Variants in MTRES1 observed in about 807,000 individuals in gnomAD.
MTRES1 encodes mitochondrial transcription rescue factor 1, also known as uncharacterized protein C6orf203.
A neutral mutation model predicts 17.4 loss-of-function variants in MTRES1; 11 were observed. The ratio of observed to expected loss-of-function variants is 0.63; its 90% confidence interval spans 0.40 to 1.05. The LOEUF (loss-of-function observed/expected upper bound fraction) is 1.05. Ranked by LOEUF, MTRES1 falls within the 50% of genes least tolerant of loss-of-function variation. The probability of loss-of-function intolerance (pLI) is 0.00; values close to 1 mark genes in which losing one functional copy is unlikely to be tolerated. For missense variants in MTRES1, 268 were observed against 276.2 expected, an observed-to-expected ratio of 0.97 and a Z score of 0.21; for synonymous variants, 94 against 99.6, an observed-to-expected ratio of 0.94 and a Z score of 0.34.
At chr6:107,048,789 AAAAAAG>A (rs1774485818) in intron 3 of MTRES1, among the ~76,000 whole-genome samples, 1 of 151,574 alleles carries the variant, frequency 6.6e-6, no homozygotes, top group African/African-American at 2.4e-5. Context: ...AAAAAAAAAA[AAAAAAG>A]AAAAAAAAAA....
At chr6:107,042,722 G>T (rs1774260384) in intron 2 of MTRES1, among the ~76,000 whole-genome samples, 1 of 152,162 alleles carries the variant, frequency 6.6e-6, no homozygotes, top group African/African-American at 2.4e-5. Context: ...GTACAGAGCA[G>T]GTGTCTGAGG....
chr6:107,043,180 A>C (rs1774276279), intron 2 of MTRES1, among the ~76,000 whole-genome samples: 1 of 152,036 alleles, frequency 6.6e-6, no homozygotes, highest in African/African-American at 2.4e-5. Flanking sequence ...AAATACAAAA[A>C]AAAATTACCC....
intron 1 of MTRES1, among the ~76,000 whole-genome samples, chr6:107,034,394 C>G (rs1329226322): frequency 5.3e-5 from 8 of 152,142 alleles, no homozygotes; most frequent in Non-Finnish European, 7.3e-5. Context: ...GTTCCTCCCA[C>G]TCTTCTACCC....
At chr6:107,036,404 G>A (rs1433300868) in intron 1 of MTRES1, among the ~76,000 whole-genome samples, 2 of 151,994 alleles carry the variant, frequency 1.3e-5, no homozygotes, top group African/African-American at 2.4e-5. Context: ...TTAGCCAGAC[G>A]TGGTAGCGCA....
At position 107,029,191 on chromosome 6, in the gene MTRES1, A is replaced by ATTT. The variant is rs35093769; in HGVS notation, c.-13+932_-13+934dup. ...CAGGCGCACACCGCCACACCCGGCT[A>ATTT]TTTTTTTTTTTTTTGAGACGCAGTC... On this transcript the variant is annotated intron_variant, in intron 1 of 3. Transcript: ENST00000311381. Among the ~76,000 whole-genome samples, 92 of 98,854 alleles carry ATTT rather than the reference A, an allele frequency of 9.3e-4. 1 individual carries two copies. Among genetic ancestry groups the ATTT allele is most frequent in the African/African-American group, 3.5e-3 (85 of 24,528 alleles). 64.9% of individuals were successfully genotyped at this position (98,854 alleles called of 152,430 possible).
At chr6:107,039,675 T>A in intron 1 of MTRES1, 74 bp from the exon 2 acceptor site, 1 of 1,459,440 alleles carries the variant, frequency 6.9e-7, no homozygotes, top group Non-Finnish European at 9.2e-7. Flanking sequence ...GCGTTCATAG[T>A]GCATATGGTT....
rs782704372 is a variant in MTRES1, at chr6:107,051,203, T to C, written c.690T>C (p.Ser230=). 3.1e-6 allele frequency: 5 copies of C among 1,613,668 alleles called. No homozygotes were observed. The African/African-American group carries it at 4.0e-5, about 13-fold the overall frequency. Residue 230 remains serine (S), a synonymous_variant, in exon 4 of 4, where the codon AGT becomes AGC. Transcript: ENST00000311381. ...GAGTGGTGTTACGGCGGTGGAAAAGTTTAAAGTTGCCTAAGAAGAGAATGT... is the reference window on the plus strand; with the variant it reads ...GAGTGGTGTTACGGCGGTGGAAAAGCTTAAAGTTGCCTAAGAAGAGAATGT... ...KYRVVLRRWK[S]LKLPKKRMSK
intron 3 of MTRES1, among the ~76,000 whole-genome samples, chr6:107,045,741 G>A (rs1490921418): frequency 2.6e-5 from 4 of 152,086 alleles, no homozygotes; most frequent in Non-Finnish European, 5.9e-5. Flanking sequence ...CCCTTAAAAA[G>A]TGTGGAAGAC....
At chr6:107,033,316 A>G (rs1773904257) in intron 1 of MTRES1, among the ~76,000 whole-genome samples, 1 of 151,888 alleles carries the variant, frequency 6.6e-6, no homozygotes, top group Admixed American at 6.6e-5. Flanking sequence ...GTAGAGGAGG[A>G]TGTGACTCGT....
At chr6:107,046,117 G>A (rs1582616133) in intron 3 of MTRES1, among the ~76,000 whole-genome samples, 1 of 152,216 alleles carries the variant, frequency 6.6e-6, no homozygotes, top group African/African-American at 2.4e-5. Flanking sequence ...ACTGTGGCTG[G>A]CTGTCAGCAG....
chr6:107,039,280 A>G (rs1199867388), intron 1 of MTRES1, among the ~76,000 whole-genome samples: 1 of 151,984 alleles, frequency 6.6e-6, no homozygotes, highest in Non-Finnish European at 1.5e-5. Flanking sequence ...CCCTTAGTAC[A>G]TGCAGATTGA....
At chr6:107,031,644 A>G (rs1262320318) in intron 1 of MTRES1, among the ~76,000 whole-genome samples, 1 of 150,258 alleles carries the variant, frequency 6.7e-6, no homozygotes, top group Non-Finnish European at 1.5e-5. Context: ...CTTGTTGTCC[A>G]GGCTGGAGTG....
At chr6:107,047,140 A>G (rs1554228512) in intron 3 of MTRES1, among the ~76,000 whole-genome samples, 1 of 152,160 alleles carries the variant, frequency 6.6e-6, no homozygotes, top group African/African-American at 2.4e-5. Flanking sequence ...AGCCTTCTCT[A>G]TCCAGAGGCA....
intron 1 of MTRES1, among the ~76,000 whole-genome samples, chr6:107,033,913 A>T (rs1305792338): frequency 6.6e-6 from 1 of 152,202 alleles, no homozygotes; most frequent in Non-Finnish European, 1.5e-5. Flanking sequence ...AATGGTCATC[A>T]TCTCCAGCAA....
At chr6:107,039,351 C>G (rs972967688) in intron 1 of MTRES1, among the ~76,000 whole-genome samples, 4 of 151,728 alleles carry the variant, frequency 2.6e-5, no homozygotes, top group Non-Finnish European at 4.4e-5. Context: ...TGTGGTTTCT[C>G]TCTTGTTGCC....
chr6:107,037,098 AG>A lies in MTRES1; in HGVS notation c.-12-2650del, dbSNP rs1393279951. ...CTAGCCTAGTTACCTTTAAAAAAAAAGTTTTTTTAATTGTACTAATCAATGA... is the reference window on the plus strand; with the variant it reads ...CTAGCCTAGTTACCTTTAAAAAAAAATTTTTTTAATTGTACTAATCAATGA... On this transcript the variant is annotated intron_variant, in intron 1 of 3. Transcript: ENST00000311381. Among the ~76,000 whole-genome samples, 5 of 151,852 alleles carry A rather than the reference AG, an allele frequency of 3.3e-5. No individual in the cohort carries two copies. The East Asian group carries it at 9.8e-4, about 30-fold the overall frequency.
intron 3 of MTRES1, among the ~76,000 whole-genome samples, chr6:107,049,483 G>T (rs1441777262): frequency 7.1e-6 from 1 of 140,832 alleles, no homozygotes; most frequent in African/African-American, 2.7e-5. Context: ...GCGAGATCTC[G>T]GCTCACTGCA....
At chr6:107,031,643 C>T (rs1459797370) in intron 1 of MTRES1, among the ~76,000 whole-genome samples, 2 of 151,702 alleles carry the variant, frequency 1.3e-5, no homozygotes, top group Non-Finnish European at 2.9e-5. Context: ...TCTTGTTGTC[C>T]AGGCTGGAGT....
intron 1 of MTRES1, among the ~76,000 whole-genome samples, chr6:107,033,408 T>G (rs1228737668): frequency 6.6e-6 from 1 of 150,708 alleles, no homozygotes; most frequent in Admixed American, 6.6e-5. Context: ...TCAAGTGAGC[T>G]ATAAGGAACC....
Sources: allele counts gnomAD v4.1 joint callset (sites outside exome capture counted in the v4.1 genomes callset), GRCh38; gene constraint gnomAD v4.1.1; transcripts MANE v1.5; gene names NCBI Gene and HGNC (gene_info 2026-07-23, HGNC 2026-07-21).